ASNS: variants seen among roughly 807,000 people sequenced by gnomAD.
ASNS encodes the protein asparagine synthetase [glutamine-hydrolyzing].
A neutral mutation model predicts 62.6 loss-of-function variants in ASNS; 37 were observed. The ratio of observed to expected loss-of-function variants is 0.59; its 90% CI spans 0.45 to 0.78. The LOEUF (loss-of-function observed/expected upper bound fraction) is 0.78, where lower values mean the gene tolerates loss of function less well. Ranked by LOEUF, ASNS falls within the 30% of genes least tolerant of loss-of-function variation. The pLI, the probability that ASNS is intolerant of heterozygous loss-of-function variation, is 0.00. For synonymous variants in ASNS, 207 were observed against 237.9 expected (o/e 0.87, Z 1.19); for missense variants, 520 against 682.4 (o/e 0.76, Z 2.65).
the ASNS span, among the ~76,000 whole-genome samples, chr7:97,924,124 C>T: frequency 6.6e-6 from 1 of 152,214 alleles, no homozygotes; most frequent in East Asian, 1.9e-4. Context: ...CCCAGGGCAA[C>T]ACAGCCCGCA....
the ASNS span, among the ~76,000 whole-genome samples, chr7:97,911,137 A>G: frequency 6.6e-6 from 1 of 152,212 alleles, no homozygotes; most frequent in East Asian, 1.9e-4. Context: ...TCATGTTTTT[A>G]GAGGGAAAGT....
chr7:97,918,737 A>G, the ASNS span, among the ~76,000 whole-genome samples: 1 of 152,178 alleles, frequency 6.6e-6, no homozygotes, highest in Non-Finnish European at 1.5e-5. Context: ...ATGAGAACAC[A>G]TGGACACAGG....
the ASNS span, among the ~76,000 whole-genome samples, chr7:97,918,144 C>G: frequency 1.3e-5 from 2 of 152,138 alleles, no homozygotes; most frequent in East Asian, 3.9e-4. Flanking sequence ...CTGGACCCCC[C>G]AGGACACCAG....
At chr7:97,896,630 GTA>G in the ASNS span, among the ~76,000 whole-genome samples, 98 of 113,900 alleles carry the variant, frequency 8.6e-4, no homozygotes, top group African/African-American at 1.6e-3. Flanking sequence ...ATATATATAT[GTA>G]TATATATATA....
the ASNS span, among the ~76,000 whole-genome samples, chr7:97,880,799 T>C: frequency 6.6e-6 from 1 of 152,196 alleles, no homozygotes. Context: ...CAAACACAGC[T>C]GCACATCAGA....
At chr7:97,877,162 C>G (rs546796026), upstream of ASNS, among the ~76,000 whole-genome samples, 5 of 151,458 alleles carry the variant, frequency 3.3e-5, no homozygotes, top group East Asian at 5.8e-4. Context: ...TGGCATGGTC[C>G]CGGGTCACTG....
chr7:97,859,366 A>C lies in ASNS; in HGVS notation c.520T>G (p.Phe174Val), dbSNP rs560439034. 1.1e-5 allele frequency: 17 copies of C among 1,613,476 alleles called. No homozygotes were observed. The South Asian group carries it at 1.8e-4, about 17-fold the overall frequency. The change falls in exon 5 of 13, where the codon TTT becomes GTT. Residue 174 changes from phenylalanine (F) to valine (V), a missense_variant. By Grantham distance (50) the Phe-to-Val change is conservative (BLOSUM62 -1). Transcript: ENST00000394308. ...LVTLKHSATP[F>V]LKVEPFLPGH... ...GGAAGAAAAGGCTCCACTTTTAAAA[A>C]GGGAGTCGCGGAGTGCTTCAATGTA...
chr7:97,881,787 G>A, the ASNS span, among the ~76,000 whole-genome samples: 2 of 152,268 alleles, frequency 1.3e-5, no homozygotes, highest in African/African-American at 4.8e-5. Flanking sequence ...AGGGGCAGGA[G>A]GGACGTCTCA....
chr7:97,919,274 C>A, the ASNS span, among the ~76,000 whole-genome samples: 2 of 152,272 alleles, frequency 1.3e-5, no homozygotes, highest in South Asian at 2.1e-4. Flanking sequence ...CACCACCAAG[C>A]CTGGCTAACT....
the ASNS span, among the ~76,000 whole-genome samples, chr7:97,888,496 C>T: frequency 9.2e-5 from 14 of 152,320 alleles, no homozygotes; most frequent in African/African-American, 3.4e-4. Flanking sequence ...CCATTGTCTA[C>T]ATAAGCTTTT....
At chr7:97,890,610 AGT>A in the ASNS span, among the ~76,000 whole-genome samples, 11 of 152,232 alleles carry the variant, frequency 7.2e-5, no homozygotes, top group Admixed American at 7.2e-4. Context: ...AGCCTGGCAC[AGT>A]GGCTCACATC....
chr7:97,864,591 T>C (rs1791878127), intron 3 of ASNS, 95 bp from the exon 4 acceptor site: 2 of 862,564 alleles, frequency 2.3e-6, no homozygotes, highest in East Asian at 2.5e-5. Flanking sequence ...CTGAGCTCTA[T>C]AATCCTTTCA....
rs1562812019 is a variant in ASNS at position 97,853,210 on chromosome 7, C to CATA, written c.1325_1326insTAT (p.Gly442_Ile443insMet). On this transcript the variant is annotated inframe_insertion, in exon 12 of 13. Coordinates refer to ENST00000394308, the MANE Select transcript of ASNS (RefSeq NM_001673.5). ...TCTCTCTCAGGAGATGTTTTTCTATCCCATTCTGACGTGACAAAAAAAGGA... is the reference window on the plus strand; with the variant it reads ...TCTCTCTCAGGAGATGTTTTTCTATCATACCATTCTGACGTGACAAAAAAAGGA... 6.2e-7 allele frequency: 1 copy of CATA among 1,605,732 alleles called. No homozygotes were observed. Among genetic ancestry groups the CATA allele is most frequent in the Non-Finnish European group, 8.5e-7 (1 of 1,176,438 alleles).
chr7:97,861,053 G>A (rs1791692375), intron 4 of ASNS, among the ~76,000 whole-genome samples: 2 of 121,002 alleles, frequency 1.7e-5, no homozygotes, highest in African/African-American at 3.4e-5. Context: ...GATGAGTCTC[G>A]CTCTGTCACT....
the ASNS span, among the ~76,000 whole-genome samples, chr7:97,892,799 C>T: frequency 1.3e-5 from 2 of 152,204 alleles, no homozygotes; most frequent in Middle Eastern, 3.2e-3. Context: ...GTCCATATAA[C>T]CATCAGCATT....
Position 97,856,681 on chromosome 7 carries a change from A to G in ASNS, c.1030+9T>C, listed in dbSNP as rs866501022. 1.3e-6 allele frequency: 2 copies of G among 1,582,710 alleles called. No individual in the cohort carries two copies. The highest frequency in any genetic ancestry group is 2.7e-5 in the African/African-American group (2 of 73,378). The stretch of plus-strand genomic sequence containing the variant: ...AAGCTTTTTATTTAAGAATATCATA[A>G]TACCTTACCTACTGAAGCACGAACT... On this transcript the variant is annotated intron_variant, in intron 8 of 12. Coordinates refer to ENST00000394308, the MANE Select transcript of ASNS (RefSeq NM_001673.5).
chr7:97,858,973 A>C lies in ASNS; in HGVS notation c.674-18T>G. ...CTCAAAACCTATAAACACAGCAGTA[A>C]ATCAAACAGCTCCAGAAAATCTTGG... is the stretch of plus-strand genomic sequence containing the variant. On this transcript the variant is annotated intron_variant, in intron 5 of 12. Transcript: ENST00000394308. 6.3e-7 allele frequency: 1 copy of C among 1,587,590 alleles called. No homozygotes were observed. Among genetic ancestry groups the C allele is most frequent in the Non-Finnish European group, 8.6e-7 (1 of 1,167,426 alleles).
the ASNS span, among the ~76,000 whole-genome samples, chr7:97,925,940 G>A: frequency 1.3e-5 from 2 of 152,094 alleles, no homozygotes; most frequent in Non-Finnish European, 2.9e-5. Flanking sequence ...GTCAATAAAG[G>A]CTTGGGGAGG....
At chr7:97,862,870 T>C (rs1324776678) in intron 4 of ASNS, among the ~76,000 whole-genome samples, 3 of 151,670 alleles carry the variant, frequency 2.0e-5, no homozygotes, top group African/African-American at 7.3e-5. Flanking sequence ...AAAGAAGATA[T>C]ACAAATGGCC....
Sources: gnomAD v4.1 joint callset for allele counts (sites outside exome capture counted in the v4.1 genomes callset) on GRCh38, gnomAD v4.1.1 for gene constraint, MANE v1.5 for transcripts, NCBI Gene and HGNC (gene_info 2026-07-23, HGNC 2026-07-21) for gene names.